DENND1A: variants seen among roughly 807,000 people sequenced by gnomAD.
DENND1A encodes DENN domain containing 1A, also known as DENN domain-containing protein 1A.
DENND1A carries 51 observed loss-of-function variants against 113.7 expected under a neutral mutation model. That is an observed-to-expected ratio of 0.45 (90% confidence interval 0.36 to 0.57). DENND1A has a LOEUF of 0.57. DENND1A is among the 20% of genes least tolerant of loss of function. DENND1A has a pLI of 0.00. For missense variants in DENND1A, 1,258 were observed against 1,395.9 expected (o/e 0.90, Z 1.57); for synonymous variants, 565 against 570.8 (o/e 0.99, Z 0.14).
At chr9:123,898,694 TG>T (rs1851144985) in intron 1 of DENND1A, among the ~76,000 whole-genome samples, 1 of 152,194 alleles carries the variant, frequency 6.6e-6, no homozygotes, top group African/African-American at 2.4e-5. Context: ...TAGAAGTCTG[TG>T]GTTTGTCTTT....
intron 1 of DENND1A, among the ~76,000 whole-genome samples, chr9:123,901,568 G>GA (rs1161745830): frequency 6.6e-6 from 1 of 152,068 alleles, no homozygotes; most frequent in African/African-American, 2.4e-5. Context: ...TATTTCCCTA[G>GA]AAAAATCTCA....
intron 19 of DENND1A, among the ~76,000 whole-genome samples, chr9:123,436,060 C>T (rs988834531): frequency 6.6e-6 from 1 of 152,186 alleles, no homozygotes; most frequent in African/African-American, 2.4e-5. Context: ...CCAGGGCTGC[C>T]GGGGAGGACA....
intron 12 of DENND1A, among the ~76,000 whole-genome samples, chr9:123,564,900 C>T (rs1488162101): frequency 6.6e-6 from 1 of 151,706 alleles, no homozygotes; most frequent in Non-Finnish European, 1.5e-5. Flanking sequence ...ATTATACATT[C>T]TCACTGTGTC....
At chr9:123,559,109 G>C (rs552644571) in intron 12 of DENND1A, among the ~76,000 whole-genome samples, 1 of 152,308 alleles carries the variant, frequency 6.6e-6, no homozygotes, top group Admixed American at 6.5e-5. Context: ...AGAGGGGTGA[G>C]CACCGCGTGC....
intron 11 of DENND1A, among the ~76,000 whole-genome samples, chr9:123,597,628 G>C (rs371685121): frequency 2.7e-4 from 41 of 152,242 alleles, no homozygotes; most frequent in African/African-American, 7.0e-4. Context: ...TAGAACAGGG[G>C]CTATTTAATA....
chr9:123,579,824 G>A (rs1416873105), intron 12 of DENND1A, among the ~76,000 whole-genome samples: 1 of 152,144 alleles, frequency 6.6e-6, no homozygotes, highest in East Asian at 1.9e-4. Context: ...TCAAAGCTGT[G>A]AATTCCATTG....
chr9:123,482,711 G>A (rs576247582), intron 13 of DENND1A, among the ~76,000 whole-genome samples: 2 of 152,354 alleles, frequency 1.3e-5, no homozygotes, highest in South Asian at 4.1e-4. Context: ...GGTTCCTGCT[G>A]TGCAGAGAAC....
chr9:123,908,899 G>A (rs1278703054), intron 1 of DENND1A, among the ~76,000 whole-genome samples: 7 of 152,166 alleles, frequency 4.6e-5, no homozygotes, highest in East Asian at 1.9e-4. Flanking sequence ...ACCTGCACAC[G>A]TATGTTTATT....
intron 3 of DENND1A, among the ~76,000 whole-genome samples, chr9:123,774,104 T>C (rs187705086): frequency 4.6e-5 from 7 of 152,306 alleles, no homozygotes; most frequent in Admixed American, 1.3e-4. Flanking sequence ...AGGTGTGTGA[T>C]GAAAAGATCA....
chr9:123,387,519 C>A (rs2042627394), intron 22 of DENND1A, among the ~76,000 whole-genome samples: 1 of 152,200 alleles, frequency 6.6e-6, no homozygotes, highest in African/African-American at 2.4e-5. Context: ...ATTGTCACAG[C>A]CTCTGTGGAG....
intron 3 of DENND1A, among the ~76,000 whole-genome samples, chr9:123,790,790 G>A (rs1832881485): frequency 6.6e-6 from 1 of 152,090 alleles, no homozygotes; most frequent in South Asian, 2.1e-4. Flanking sequence ...AATAGTACAT[G>A]TGTATGCATA....
intron 19 of DENND1A, among the ~76,000 whole-genome samples, chr9:123,412,366 G>A (rs2044374259): frequency 6.6e-6 from 1 of 152,230 alleles, no homozygotes; most frequent in Admixed American, 6.5e-5. Flanking sequence ...CCTGCCAAAC[G>A]TGTGCCTGTC....
At chr9:123,671,256 G>A (rs372621750) in intron 7 of DENND1A, 35 bp downstream of exon 7, 66 of 1,610,510 alleles carry the variant, frequency 4.1e-5, no homozygotes, top group African/African-American at 9.4e-5. Flanking sequence ...AATGAAATGC[G>A]TTTTCAGTGA....
chr9:123,721,516 C>T (rs1486858498), intron 5 of DENND1A, among the ~76,000 whole-genome samples: 1 of 152,206 alleles, frequency 6.6e-6, no homozygotes, highest in Non-Finnish European at 1.5e-5. Context: ...AAGTGAGCTA[C>T]CTCATGATAT....
chr9:123,535,160 A>C (rs1316731389), intron 13 of DENND1A, among the ~76,000 whole-genome samples: 1 of 152,134 alleles, frequency 6.6e-6, no homozygotes, highest in African/African-American at 2.4e-5. Context: ...CCTGACGTTC[A>C]CTCTGTTGTC....
chr9:123,498,176 G>T (rs779417625), intron 13 of DENND1A, among the ~76,000 whole-genome samples: 4 of 152,196 alleles, frequency 2.6e-5, no homozygotes, highest in Non-Finnish European at 4.4e-5. Flanking sequence ...CAACATAGGA[G>T]GGTGGGAAAA....
intron 5 of DENND1A, among the ~76,000 whole-genome samples, chr9:123,707,386 A>C (rs1166422385): frequency 6.7e-6 from 1 of 149,268 alleles, no homozygotes; most frequent in Non-Finnish European, 1.5e-5. Context: ...AAGAGCGTTA[A>C]CTCCATCTCA....
At chr9:123,690,351 A>T (rs1315940335) in intron 5 of DENND1A, among the ~76,000 whole-genome samples, 1 of 152,186 alleles carries the variant, frequency 6.6e-6, no homozygotes, top group African/African-American at 2.4e-5. Flanking sequence ...AGTGCCTTAA[A>T]ATTTAAGAAA....
At chr9:123,853,956 G>GAA (rs551013755) in intron 2 of DENND1A, among the ~76,000 whole-genome samples, 1 of 151,638 alleles carries the variant, frequency 6.6e-6, no homozygotes, top group Non-Finnish European at 1.5e-5. Context: ...ATTTTCATGG[G>GAA]AAAAAAAATA....
Sources: gnomAD v4.1 joint callset for allele counts (sites outside exome capture counted in the v4.1 genomes callset) on GRCh38, gnomAD v4.1.1 for gene constraint, MANE v1.5 for transcripts, NCBI Gene and HGNC (gene_info 2026-07-23, HGNC 2026-07-21) for gene names.